RNF17: variants seen among roughly 807,000 people sequenced by gnomAD.
RNF17 encodes ring finger protein 17.
RNF17 carries 31 observed loss-of-function variants against 200.5 expected under a neutral mutation model. The observed-to-expected ratio is 0.15, with a 90% confidence interval of 0.12 to 0.21. The LOEUF (loss-of-function observed/expected upper bound fraction) is 0.21. RNF17 is among the 10% of genes least tolerant of loss of function. The pLI is 1.00. For missense variants in RNF17, 1,628 were observed against 1,905.1 expected (o/e 0.85, Z 2.71); for synonymous variants, 606 against 637.8 (o/e 0.95, Z 0.75).
intron 15 of RNF17, among the ~76,000 whole-genome samples, chr13:24,820,624 T>C (rs1160691860): frequency 6.6e-6 from 1 of 151,714 alleles, no homozygotes. Context: ...TTAGTAGAGA[T>C]AGCTTTTGGC....
chr13:24,877,334 A>G, intron 34 of RNF17, 148 bp downstream of exon 34: 2 of 590,554 alleles, frequency 3.4e-6, no homozygotes, highest in Non-Finnish European at 5.6e-6. Context: ...ATAGCTTTAT[A>G]TATACATATA....
chr13:24,780,447 G>C (rs1253467450), intron 5 of RNF17, among the ~76,000 whole-genome samples: 1 of 152,152 alleles, frequency 6.6e-6, no homozygotes, highest in Non-Finnish European at 1.5e-5. Flanking sequence ...CTGAATTTGG[G>C]ATAGTGGGGA....
chr13:24,851,332 T>G (rs1054504087), intron 23 of RNF17, 124 bp from the exon 24 acceptor site: 1 of 727,852 alleles, frequency 1.4e-6, no homozygotes, highest in Non-Finnish European at 2.4e-6. Flanking sequence ...TCAAAATAAC[T>G]TGACTCAGCT....
the RNF17 span, among the ~76,000 whole-genome samples, chr13:24,748,807 C>T: frequency 2.0e-5 from 3 of 151,364 alleles, no homozygotes; most frequent in African/African-American, 7.3e-5. Context: ...GTGCAACGAA[C>T]GGCGTGATCT....
At chr13:24,790,945 G>C (rs1957468937) in intron 9 of RNF17, among the ~76,000 whole-genome samples, 1 of 152,120 alleles carries the variant, frequency 6.6e-6, no homozygotes, top group Non-Finnish European at 1.5e-5. Context: ...ACCTCTTAAT[G>C]TCACCACAAT....
At chr13:24,835,815 A>G (rs1351170154) in intron 18 of RNF17, among the ~76,000 whole-genome samples, 1 of 152,222 alleles carries the variant, frequency 6.6e-6, no homozygotes, top group Admixed American at 6.5e-5. Context: ...GATCCAAACC[A>G]AGAAGTAGTC....
chr13:24,878,437 C>T (rs1304849296), intron 34 of RNF17, among the ~76,000 whole-genome samples: 1 of 152,138 alleles, frequency 6.6e-6, no homozygotes, highest in African/African-American at 2.4e-5. Context: ...TTGGCTCACA[C>T]AGTCAAAGGT....
chr13:24,842,124 C>A lies in RNF17; in HGVS notation c.2566C>A (p.Gln856Lys). ...AATGACTACTACTAGTATTAATGAC[C>A]AGCTAGTTAAAGAGGGCCTAGCATC... ...PEMTTTSINDQLVKEGLASYE... is the reference protein window; with the variant it reads ...PEMTTTSINDKLVKEGLASYE... Residue 856 changes from glutamine (Q) to lysine (K), a missense_variant, in exon 19 of 36, where the codon CAG becomes AAG. By Grantham distance (53) the Gln-to-Lys change is moderately conservative. Around this residue, in one of 5 missense-constraint regions of RNF17, gnomAD observed 227 missense variants for 319.8 expected, o/e 0.71. Coordinates refer to ENST00000255324, the MANE Select transcript of RNF17 (RefSeq NM_031277.3). The A allele has an allele frequency of 6.2e-7, 1 of 1,609,488 alleles. No homozygotes were observed. Among genetic ancestry groups the A allele is most frequent in the Non-Finnish European group, 8.5e-7 (1 of 1,176,668 alleles).
At chr13:24,765,515 A>G (rs1404631082) in intron 1 of RNF17, among the ~76,000 whole-genome samples, 1 of 152,230 alleles carries the variant, frequency 6.6e-6, no homozygotes, top group Admixed American at 6.5e-5. Flanking sequence ...GAGCCTCTGC[A>G]GAAAAAGTTG....
intron 33 of RNF17, 118 bp downstream of exon 33, chr13:24,874,367 T>G: frequency 1.2e-6 from 1 of 843,364 alleles, no homozygotes; most frequent in South Asian, 2.4e-5. Flanking sequence ...GTTTATAAAT[T>G]AGGAATTTTT....
chr13:24,850,264 TA>T, intron 22 of RNF17, 76 bp from the exon 23 acceptor site: 2 of 888,558 alleles, frequency 2.3e-6, no homozygotes, highest in Non-Finnish European at 3.6e-6. Flanking sequence ...TATCTGTGTG[TA>T]AATATAGTGT....
chr13:24,751,184 C>T, the RNF17 span: 1 of 152,148 alleles, frequency 6.6e-6, no homozygotes, highest in Admixed American at 6.5e-5. Context: ...CTGTCATACT[C>T]GTCTTTCTCT....
intron 33 of RNF17, among the ~76,000 whole-genome samples, chr13:24,875,640 C>T (rs945071456): frequency 2.0e-5 from 3 of 152,122 alleles, no homozygotes; most frequent in African/African-American, 7.2e-5. Context: ...AAGATCAAGA[C>T]CCTGAAGCAT....
chr13:24,854,737 C>A (rs1892282757), intron 25 of RNF17, among the ~76,000 whole-genome samples: 1 of 152,138 alleles, frequency 6.6e-6, no homozygotes, highest in Admixed American at 6.5e-5. Flanking sequence ...GGATGACTCC[C>A]ACAATGGGTC....
intron 22 of RNF17, among the ~76,000 whole-genome samples, chr13:24,846,723 A>G (rs1439114845): frequency 6.6e-6 from 1 of 152,164 alleles, no homozygotes; most frequent in Non-Finnish European, 1.5e-5. Flanking sequence ...AAAAAATCTC[A>G]TAATGTTCTA....
At chr13:24,885,521 G>T in the RNF17 span, 2 of 1,228,202 alleles carry the variant, frequency 1.6e-6, no homozygotes, top group South Asian at 1.2e-5. Context: ...TTTTACACGT[G>T]GTTTAGAAAC....
chr13:24,828,483 G>T (rs1377107512), intron 16 of RNF17, among the ~76,000 whole-genome samples: 1 of 151,854 alleles, frequency 6.6e-6, no homozygotes, highest in African/African-American at 2.4e-5. Flanking sequence ...CTGTTTCGTT[G>T]TTTACTTGTG....
At chr13:24,798,947 AAG>A (rs1490138392) in intron 11 of RNF17, among the ~76,000 whole-genome samples, 1 of 152,080 alleles carries the variant, frequency 6.6e-6, no homozygotes, top group African/African-American at 2.4e-5. Context: ...CCCCTTTACA[AAG>A]AGAAGATAAT....
At chr13:24,827,701 C>CAAAAAAAAAAAAAAAA (rs538402990) in intron 16 of RNF17, among the ~76,000 whole-genome samples, 5 of 12,244 alleles carry the variant, frequency 4.1e-4, no homozygotes, top group African/African-American at 7.3e-4. Flanking sequence ...GACTCCGTCT[C>CAAAAAAAAAAAAAAAA]AAAAAAAAAA....
Sources: gnomAD v4.1 joint callset for allele counts (sites outside exome capture counted in the v4.1 genomes callset) on GRCh38, gnomAD v4.1.1 for gene constraint, gnomAD v4.1.1 regional missense constraint, MANE v1.5 for transcripts, NCBI Gene and HGNC (gene_info 2026-07-23, HGNC 2026-07-21) for gene names.